Variants in ITPKB observed in about 807,000 individuals in gnomAD.
ITPKB encodes IP3 3-kinase B.
Under a neutral mutation model 69.4 loss-of-function variants are expected in ITPKB, and 13 were observed. That is an observed-to-expected ratio of 0.19 (90% confidence interval 0.12 to 0.30). ITPKB has a LOEUF of 0.30. ITPKB is among the 10% of genes least tolerant of loss of function. The pLI is 1.00. For missense variants in ITPKB, 1,240 were observed against 1,250.5 expected, an observed-to-expected ratio of 0.99 and a Z score of 0.13; for synonymous variants, 584 against 513.7, an observed-to-expected ratio of 1.14 and a Z score of -1.85.
Position 226,735,791 on chromosome 1 carries a change from G to C in ITPKB, c.1668C>G (p.Phe556Leu), listed in dbSNP as rs1180530598. 2 of 1,603,762 alleles carry C rather than the reference G, an allele frequency of 1.2e-6. No homozygotes were observed. Among genetic ancestry groups the C allele is most frequent in the Non-Finnish European group, 1.7e-6 (2 of 1,172,072 alleles). Residue 556 changes from phenylalanine to leucine, a missense_variant, in exon 2 of 8, where the codon TTC becomes TTG. By Grantham distance (22) the Phe-to-Leu change is conservative. Around this residue, in one of 2 missense-constraint regions of ITPKB, gnomAD observed 992 missense variants for 853.8 expected, o/e 1.16. Transcript: ENST00000429204. ...TGCTGGGGCTGCAGGCCTTCCTCAG[G>C]AAAGGCTTGTCCGGATCTTGGGGTA... Reference protein sequence around the residue: ...ELLPQDPDKPFLRKACSPSNI... With the variant: ...ELLPQDPDKPLLRKACSPSNI...
At chr1:226,656,977 C>T (rs12568026) in intron 2 of ITPKB, 27,067 of 152,168 alleles carry the variant, frequency 0.18, 2,510 homozygotes, top group Middle Eastern at 0.31. Flanking sequence ...ATTTTTTCCT[C>T]CAAGGCATAG....
At chr1:226,707,010 G>A (rs1269446468) in intron 2 of ITPKB, among the ~76,000 whole-genome samples, 2 of 152,160 alleles carry the variant, frequency 1.3e-5, no homozygotes, top group East Asian at 3.9e-4. Context: ...ATCCTCTAGG[G>A]ACTCATCACT....
In ITPKB at chr1:226,736,447, G is replaced by T; in HGVS notation, c.1012C>A (p.Pro338Thr). ...TGCCTCTCCACCAGGGCCTCTGGGG[G>T]CTGCAGGTCCTCAAGCTCACGGGCT... ...GRARELEDLQ[P>T]PEALVERQGQ... The change falls in exon 2 of 8, where the codon CCC becomes ACC. Residue 338 changes from proline (P) to threonine (T), a missense_variant. Physicochemically the swap from Pro to Thr is conservative, Grantham distance 38 (BLOSUM62 -1). Transcript: ENST00000429204. 6.2e-7 allele frequency: 1 copy of T among 1,613,512 alleles called. No individual in the cohort carries two copies. Among genetic ancestry groups the T allele is most frequent in the African/African-American group, 1.3e-5 (1 of 75,076 alleles).
chr1:226,634,438 G>C lies in ITPKB; in HGVS notation c.*233C>G. 1 of 543,192 alleles carries C rather than the reference G, an allele frequency of 1.8e-6. No homozygotes were observed. Among genetic ancestry groups the C allele is most frequent in the South Asian group, 2.1e-5 (1 of 47,190 alleles). 33.6% of individuals were successfully genotyped at this position (543,192 alleles called of 1,614,324 possible). ...TACACCTGACCCACCTCTAAGACTG[G>C]GCATTTCTCTTCTAGTAGGTGACCC... On this transcript the variant is annotated 3_prime_UTR_variant, in exon 8 of 8. Coordinates refer to ENST00000429204, the MANE Select transcript of ITPKB (RefSeq NM_002221.4). The surrounding 1 kb of genome is among the most constrained non-coding windows in gnomAD (Gnocchi z 6.3).
At chr1:226,692,182 C>G (rs1656374531) in intron 2 of ITPKB, among the ~76,000 whole-genome samples, 1 of 152,124 alleles carries the variant, frequency 6.6e-6, no homozygotes, top group Admixed American at 6.5e-5. Context: ...GGATTCAACT[C>G]TAAGTCATCT....
chr1:226,697,618 G>C (rs1254693914), intron 2 of ITPKB, among the ~76,000 whole-genome samples: 1 of 152,182 alleles, frequency 6.6e-6, no homozygotes, highest in Admixed American at 6.5e-5. Flanking sequence ...TAGGCGAACT[G>C]GGCTTGATGC....
chr1:226,707,792 G>A, intron 2 of ITPKB: 3 of 1,082,182 alleles, frequency 2.8e-6, no homozygotes, highest in Non-Finnish European at 3.4e-6. Flanking sequence ...CTTTACAGAT[G>A]ACCCCGTAAT....
At chr1:226,647,518 C>T in intron 3 of ITPKB, 138 bp from the exon 4 acceptor site, 1 of 644,538 alleles carries the variant, frequency 1.6e-6, no homozygotes, top group Non-Finnish European at 2.8e-6. Flanking sequence ...CTGCTATGGA[C>T]TGAGCACCTT....
intron 4 of ITPKB, among the ~76,000 whole-genome samples, chr1:226,646,318 A>C (rs1008241434): frequency 1.1e-4 from 17 of 152,120 alleles, no homozygotes; most frequent in South Asian, 2.1e-4. Flanking sequence ...GGGGAGAAGG[A>C]GCCGTGCTGT....
At chr1:226,701,625 A>AC (rs1445244245) in intron 2 of ITPKB, among the ~76,000 whole-genome samples, 3 of 150,118 alleles carry the variant, frequency 2.0e-5, no homozygotes, top group Middle Eastern at 3.2e-3. Flanking sequence ...AAAAAAAAAA[A>AC]AAAAAACTTC....
chr1:226,703,595 G>A (rs1234235091), intron 2 of ITPKB, among the ~76,000 whole-genome samples: 1 of 152,184 alleles, frequency 6.6e-6, no homozygotes, highest in Middle Eastern at 3.2e-3. Flanking sequence ...CGGCATGCTC[G>A]GCGGCGGTGC....
chr1:226,729,751 G>A (rs553603710), intron 2 of ITPKB, among the ~76,000 whole-genome samples: 12 of 151,580 alleles, frequency 7.9e-5, no homozygotes, highest in Non-Finnish European at 1.5e-4. Flanking sequence ...GCTAACTTTC[G>A]TATTTTTAGT....
intron 2 of ITPKB, among the ~76,000 whole-genome samples, chr1:226,718,827 A>G (rs59926128): frequency 0.021 from 3,271 of 152,308 alleles, 120 homozygotes; most frequent in African/African-American, 0.072. Context: ...TATGAAATGA[A>G]TGTGCAACTA....
In ITPKB at chr1:226,736,045, A is replaced by C. The variant is rs780653192; in HGVS notation, c.1414T>G (p.Ser472Ala). 12 of 1,613,452 alleles carry C rather than the reference A, an allele frequency of 7.4e-6. No individual in the cohort carries two copies. In the Admixed American group the frequency reaches 1.8e-4, roughly 25 times the overall value. Residue 472 changes from serine to alanine, a missense_variant, in exon 2 of 8, where the codon TCT becomes GCT. Physicochemically the swap from Ser to Ala is moderately conservative, Grantham distance 99. Coordinates refer to ENST00000429204, the MANE Select transcript of ITPKB (RefSeq NM_002221.4). ...GTGNVEAGIP[S>A]GRMLEPLPCW... ...GGCAAAGGCTCCAGCATTCTGCCAGAAGGAATTCCCGCCTCCACATTCCCG... is the reference window on the plus strand; with the variant it reads ...GGCAAAGGCTCCAGCATTCTGCCAGCAGGAATTCCCGCCTCCACATTCCCG...
chr1:226,686,864 A>G (rs945401848), intron 2 of ITPKB, among the ~76,000 whole-genome samples: 3 of 152,232 alleles, frequency 2.0e-5, no homozygotes, highest in Non-Finnish European at 4.4e-5. Context: ...TTATCTGGCA[A>G]TGGGAGGGGA....
Position 226,647,317 on chromosome 1 carries a change from C to A in ITPKB, c.2096G>T (p.Cys699Phe), listed in dbSNP as rs1217420804. 1 of 1,614,198 alleles carries A rather than the reference C, an allele frequency of 6.2e-7. No individual in the cohort carries two copies. Among genetic ancestry groups the A allele is most frequent in the Admixed American group, 1.7e-5 (1 of 60,026 alleles). Residue 699 changes from cysteine to phenylalanine, a missense_variant, in exon 4 of 8, where the codon TGC becomes TTC. This residue lies in a region of ITPKB where 248 missense variants were observed against 396.7 expected (regional missense o/e 0.63). Coordinates refer to ENST00000429204, the MANE Select transcript of ITPKB (RefSeq NM_002221.4). ...LKKHCESEQR[C>F]LDRLMVDVLR... ...CACATCCACCATCAGCCGGTCCAGG[C>A]AGCGCTGCTCTGACTCACAGTGCTT...
At position 226,681,444 on chromosome 1, in the gene ITPKB, T is replaced by C. The variant is rs3754397; in HGVS notation, c.1933-32673A>G. On this transcript the variant is annotated intron_variant, in intron 2 of 7. Coordinates refer to ENST00000429204, the MANE Select transcript of ITPKB (RefSeq NM_002221.4). ...ACAGCTTGTGTGTCCATTCTCTAAG[T>C]TGGTCTTCACAACCACCCTGGCAAG... Among the ~76,000 whole-genome samples the C allele has an allele frequency of 4.9e-3, 750 of 152,276 alleles. 17 individuals carry two copies. In the East Asian group the frequency reaches 0.055, roughly 11 times the overall value.
intron 2 of ITPKB, among the ~76,000 whole-genome samples, chr1:226,675,963 G>A (rs947483439): frequency 1.3e-5 from 2 of 152,184 alleles, no homozygotes; most frequent in Non-Finnish European, 1.5e-5. Context: ...AGGAGTATAA[G>A]CAAGTCTAAA....
intron 2 of ITPKB, among the ~76,000 whole-genome samples, chr1:226,731,878 T>G (rs1657597731): frequency 6.6e-6 from 1 of 151,990 alleles, no homozygotes; most frequent in Non-Finnish European, 1.5e-5. Context: ...CTTTCAACAT[T>G]CTCATCTAGA....
Sources: allele counts gnomAD v4.1 joint callset (sites outside exome capture counted in the v4.1 genomes callset), GRCh38; gene constraint gnomAD v4.1.1; regional missense constraint gnomAD v4.1.1; non-coding constraint Gnocchi (gnomAD v3.1); transcripts MANE v1.5; gene names NCBI Gene and HGNC (gene_info 2026-07-23, HGNC 2026-07-21).